Variants in CUX1 observed in about 807,000 individuals in gnomAD.
CUX1 encodes protein CASP.
CUX1 carries 31 observed loss-of-function variants against 158.8 expected under a neutral mutation model. The observed-to-expected ratio is 0.20, with a 90% CI of 0.15 to 0.26. The LOEUF (loss-of-function observed/expected upper bound fraction) is 0.26, where lower values mean the gene tolerates loss of function less well. Ranked by LOEUF, CUX1 falls within the 10% of genes least tolerant of loss-of-function variation. CUX1 has a pLI of 1.00. For missense variants in CUX1, 1,589 were observed against 2,014.6 expected (o/e 0.79, Z 4.04); for synonymous variants, 879 against 862.1 (o/e 1.02, Z -0.34).
intron 4 of CUX1, among the ~76,000 whole-genome samples, chr7:102,071,058 C>T (rs770805794): frequency 2.6e-5 from 4 of 152,150 alleles, no homozygotes; most frequent in Non-Finnish European, 5.9e-5. Context: ...CGGGCTCAAG[C>T]GATCCTCCCA....
At chr7:101,829,574 C>A (rs973815999) in intron 1 of CUX1, among the ~76,000 whole-genome samples, 4 of 151,136 alleles carry the variant, frequency 2.6e-5, no homozygotes, top group African/African-American at 9.7e-5. Flanking sequence ...TCAGCCGAAG[C>A]AGTGGGGTCA....
chr7:101,827,985 T>A (rs1003608796), intron 1 of CUX1, among the ~76,000 whole-genome samples: 1 of 149,512 alleles, frequency 6.7e-6, no homozygotes, highest in Non-Finnish European at 1.5e-5. Context: ...TTTTTTTTTT[T>A]TTTTTTTTGA....
chr7:101,904,439 T>C (rs1376291326), intron 1 of CUX1, among the ~76,000 whole-genome samples: 5 of 152,160 alleles, frequency 3.3e-5, no homozygotes, highest in African/African-American at 7.2e-5. Flanking sequence ...TTCAAGAGAA[T>C]AGCATTTCCA....
At chr7:101,974,789 G>A (rs905399247) in intron 2 of CUX1, among the ~76,000 whole-genome samples, 7 of 152,106 alleles carry the variant, frequency 4.6e-5, no homozygotes, top group African/African-American at 1.4e-4. Context: ...AATTATTTGT[G>A]CGTTGTATGT....
At chr7:102,210,484 G>A (rs1407179859) in intron 20 of CUX1, among the ~76,000 whole-genome samples, 1 of 152,156 alleles carries the variant, frequency 6.6e-6, no homozygotes, top group Non-Finnish European at 1.5e-5. Context: ...AAAGTGCTGG[G>A]ATTACCGATG....
chr7:101,918,213 G>A (rs1233145456), intron 2 of CUX1, among the ~76,000 whole-genome samples: 2 of 152,136 alleles, frequency 1.3e-5, no homozygotes, highest in Non-Finnish European at 2.9e-5. Flanking sequence ...CACCCTGTCC[G>A]TTCCTTATGC....
At position 102,202,009 on chromosome 7, in the gene CUX1, G is replaced by A. The variant is rs1028789815; in HGVS notation, c.2712G>A (p.Glu904=). The A allele has an allele frequency of 6.2e-7, 1 of 1,614,032 alleles. No individual in the cohort carries two copies. The highest frequency in any genetic ancestry group is 1.1e-5 in the South Asian group (1 of 91,064). The part of the protein sequence containing the change: ...ELSLTGASRS[E]TPQNSPLPSS... Reference sequence around the variant, plus strand: ...GTCTGACCGGGGCCAGCCGCAGCGAGACACCACAGAACAGCCCCCTGCCAT... The same window carrying A: ...GTCTGACCGGGGCCAGCCGCAGCGAAACACCACAGAACAGCCCCCTGCCAT... Residue 904 remains glutamate (E), a synonymous_variant, in exon 18 of 24, where the codon GAG becomes GAA. Transcript: ENST00000292535.
intron 20 of CUX1, 129 bp from the exon 21 acceptor site, chr7:102,227,238 C>T: frequency 1.3e-6 from 1 of 784,136 alleles, no homozygotes; most frequent in South Asian, 1.8e-5. Flanking sequence ...TCACTAAGAC[C>T]CACAGAAAAC....
chr7:102,027,938 T>C (rs1174290754), intron 2 of CUX1, among the ~76,000 whole-genome samples, 160 bp from the exon 3 acceptor site: 1 of 152,208 alleles, frequency 6.6e-6, no homozygotes, highest in African/African-American at 2.4e-5. Flanking sequence ...GTTGGCGTTA[T>C]TGATGTTTTA....
chr7:102,100,279 A>G (rs559447914), intron 5 of CUX1, among the ~76,000 whole-genome samples: 1 of 152,310 alleles, frequency 6.6e-6, no homozygotes, highest in African/African-American at 2.4e-5. Context: ...CTCCATCTCT[A>G]AAAAAGAATG....
At chr7:102,246,905 A>T (rs1554537147) in intron 23 of CUX1, among the ~76,000 whole-genome samples, 1 of 152,118 alleles carries the variant, frequency 6.6e-6, no homozygotes, top group East Asian at 1.9e-4. Flanking sequence ...GGTGGCTTAT[A>T]CCTGTAGTAT....
At chr7:102,225,633 A>G (rs1798271169) in intron 20 of CUX1, among the ~76,000 whole-genome samples, 1 of 152,142 alleles carries the variant, frequency 6.6e-6, no homozygotes, top group Admixed American at 6.5e-5. Context: ...GGAGGCCAAG[A>G]AGGGAGGATC....
chr7:102,239,484 T>C lies in CUX1; in HGVS notation c.3787T>C (p.Tyr1263His). 6.2e-7 allele frequency: 1 copy of C among 1,614,102 alleles called. No individual in the cohort carries two copies. Among genetic ancestry groups the C allele is most frequent in the South Asian group, 1.1e-5 (1 of 91,090 alleles). The stretch of plus-strand genomic sequence containing the variant: ...GGAGAAGGAGGCGCTGAAACGAGCG[T>C]ATCAGCAAAAGCCATACCCGTCACC... Reference protein sequence around the residue: ...PEEKEALKRAYQQKPYPSPKT... With the variant: ...PEEKEALKRAHQQKPYPSPKT... The change falls in exon 23 of 24, where the codon TAT becomes CAT. Residue 1263 changes from tyrosine to histidine, a missense_variant. Tyr to His is a moderately conservative substitution (Grantham distance 83, BLOSUM62 2). Around this residue, in one of 8 missense-constraint regions of CUX1, gnomAD observed 259 missense variants for 373.8 expected, o/e 0.69. Transcript: ENST00000292535.
intron 2 of CUX1, among the ~76,000 whole-genome samples, chr7:102,022,587 C>T (rs1021520583): frequency 4.0e-5 from 6 of 150,614 alleles, no homozygotes; most frequent in African/African-American, 1.5e-4. Flanking sequence ...CACTGCACTC[C>T]AGCCTGGAAG....
intron 8 of CUX1, among the ~76,000 whole-genome samples, chr7:102,138,576 C>A (rs1554499329): frequency 1.3e-5 from 2 of 152,166 alleles, no homozygotes; most frequent in African/African-American, 4.8e-5. Flanking sequence ...TCTTATCAAA[C>A]TGTACTGTTA....
At chr7:102,125,569 T>G (rs2131246477) in intron 8 of CUX1, 1 of 152,176 alleles carries the variant, frequency 6.6e-6, no homozygotes, top group Admixed American at 6.6e-5. Context: ...GCTGCCCGGT[T>G]CCACCCAGGG....
chr7:102,142,618 C>CATCTA (rs1554500701), intron 8 of CUX1, among the ~76,000 whole-genome samples: 4 of 150,318 alleles, frequency 2.7e-5, no homozygotes, highest in African/African-American at 4.9e-5. Context: ...GAGCAAGACC[C>CATCTA]TGTCTCTACA....
chr7:101,831,306 T>C (rs1420392858), intron 1 of CUX1, among the ~76,000 whole-genome samples: 1 of 152,004 alleles, frequency 6.6e-6, no homozygotes, highest in Non-Finnish European at 1.5e-5. Context: ...TTTTTTTTTT[T>C]TCGAGATGGA....
upstream of CUX1, chr7:101,816,838 C>A: frequency 1.2e-6 from 1 of 863,156 alleles, no homozygotes; most frequent in Non-Finnish European, 1.4e-6. Context: ...CTACCCCCGG[C>A]CGGCCCCGGC....
Sources: gnomAD v4.1 joint callset for allele counts (sites outside exome capture counted in the v4.1 genomes callset) on GRCh38, gnomAD v4.1.1 for gene constraint, gnomAD v4.1.1 regional missense constraint, MANE v1.5 for transcripts, NCBI Gene and HGNC (gene_info 2026-07-23, HGNC 2026-07-21) for gene names.